The following NTN5 variants were observed in gnomAD, a reference collection of about 807,000 sequenced individuals.
The protein encoded by NTN5 is netrin 5.
A neutral mutation model predicts 38.7 loss-of-function variants in NTN5; 42 were observed. The observed-to-expected ratio is 1.08, with a 90% CI of 0.85 to 1.40. NTN5 has a LOEUF of 1.40. NTN5 is among the 40% of genes most tolerant of loss of function. The pLI, the probability that NTN5 is intolerant of heterozygous loss-of-function variation, is 0.00. For synonymous variants in NTN5, 329 were observed against 303.9 expected (o/e 1.08, Z -0.86); for missense variants, 658 against 716.5 (o/e 0.92, Z 0.93).
rs755853506 is a variant in NTN5, at chr19:48,661,982, C to T, written c.1165G>A (p.Val389Met). 3.4e-6 allele frequency: 5 copies of T among 1,482,404 alleles called. No homozygotes were observed. In the South Asian group the frequency reaches 3.7e-5, roughly 11 times the overall value. The allele number at this position is 1,482,404 out of a possible 1,614,324, so 91.8% of individuals were successfully genotyped here. A position where few individuals can be genotyped will look rare whatever the true frequency, so the allele number is the denominator to read the frequency against. The change falls in exon 7 of 7, where the codon GTG (valine) becomes ATG (methionine). Residue 389 changes from valine to methionine, a missense_variant. Transcript: ENST00000270235. Reference protein sequence around the residue: ...AAGPAWQRLAVRVLAVYKQRA... With the variant: ...AAGPAWQRLAMRVLAVYKQRA... Reference sequence around the variant, plus strand: ...TGCTTGTAAACGGCCAGCACGCGCACGGCCAGCCGCTGCCATGCCGGGCCC... The same window carrying T: ...TGCTTGTAAACGGCCAGCACGCGCATGGCCAGCCGCTGCCATGCCGGGCCC...
At chr19:48,663,300 A>G (rs775170786) in intron 6 of NTN5, 163 bp downstream of exon 6, 1 of 694,430 alleles carries the variant, frequency 1.4e-6, no homozygotes, top group African/African-American at 1.8e-5. Context: ...TCCCCTCCCC[A>G]TTTGTCTTCT....
rs371830700 is a variant in NTN5 at position 48,666,455 on chromosome 19, G to T, written c.632-1688C>A. ...AGAGGCTGAGGTGGGAGGATCACTTGAGCCTGGGAGTTGGAGGCTGCAGTG... is the reference window on the plus strand; with the variant it reads ...AGAGGCTGAGGTGGGAGGATCACTTTAGCCTGGGAGTTGGAGGCTGCAGTG... On this transcript the variant is annotated intron_variant, in intron 2 of 6. Coordinates refer to ENST00000270235, the MANE Select transcript of NTN5 (RefSeq NM_145807.4). 2.6e-5 allele frequency among the ~76,000 whole-genome samples: 4 copies of T among 152,074 alleles called. No individual in the cohort carries two copies. The East Asian group carries it at 7.9e-4, about 30-fold the overall frequency.
At chr19:48,664,314 G>A (rs1290694558) in intron 3 of NTN5, 22 bp from the exon 4 acceptor site, 2 of 1,607,530 alleles carry the variant, frequency 1.2e-6, no homozygotes, top group Non-Finnish European at 8.5e-7. Context: ...GAGGAGCTGG[G>A]GGCATGGGGT....
In NTN5 at chr19:48,668,515, A is replaced by G. The variant is rs752547352; in HGVS notation, c.631+1841T>C. Among the ~76,000 whole-genome samples, 20 of 152,150 alleles carry G rather than the reference A, an allele frequency of 1.3e-4. 1 individual carries two copies. The highest frequency in any genetic ancestry group is 2.6e-4 in the Non-Finnish European group (18 of 68,020). On this transcript the variant is annotated intron_variant, in intron 2 of 6. Coordinates refer to ENST00000270235, the MANE Select transcript of NTN5 (RefSeq NM_145807.4). ...GAGGAGCTGGGATTCAAGCCCAAAT[A>G]GTCTGGCTGCCAGGCCACCAAGGCC...
At chr19:48,672,026 C>T (rs533814707) in intron 1 of NTN5, among the ~76,000 whole-genome samples, 1 of 152,142 alleles carries the variant, frequency 6.6e-6, no homozygotes, top group Non-Finnish European at 1.5e-5. Context: ...AGTTAGCGTT[C>T]TGGGACTTTC....
chr19:48,667,716 C>T (rs985945442), intron 2 of NTN5, among the ~76,000 whole-genome samples: 6 of 152,090 alleles, frequency 3.9e-5, no homozygotes, highest in Admixed American at 6.6e-5. Flanking sequence ...ATTAGCCGGG[C>T]GTGGTGGCAC....
At chr19:48,663,271 G>A (rs773623843) in intron 6 of NTN5, 192 bp downstream of exon 6, 37 of 692,684 alleles carry the variant, frequency 5.3e-5, no homozygotes, top group Non-Finnish European at 6.4e-5. Flanking sequence ...CAGGAAGGTA[G>A]TGAATGCCCC....
In NTN5 at chr19:48,670,816, G is replaced by T; in HGVS notation, c.171C>A (p.Ala57=). The change falls in exon 2 of 7, where the codon GCC becomes GCA. Residue 57 remains alanine, a synonymous_variant. Coordinates refer to ENST00000270235, the MANE Select transcript of NTN5 (RefSeq NM_145807.4). Reference sequence around the variant, plus strand: ...TCAGGCTGCCATTGCAGGTTTCCCTGGCGCCAAGGTGGTTTCCTGGGGACA... The same window carrying T: ...TCAGGCTGCCATTGCAGGTTTCCCTTGCGCCAAGGTGGTTTCCTGGGGACA... ...CALSPGNHLG[A]RETCNGSLTL... The T allele has an allele frequency of 6.2e-7, 1 of 1,613,118 alleles. No homozygotes were observed. Among genetic ancestry groups the T allele is most frequent in the South Asian group, 1.1e-5 (1 of 91,090 alleles).
chr19:48,664,395 G>A (rs1015383573), intron 3 of NTN5, 103 bp from the exon 4 acceptor site: 1 of 1,448,948 alleles, frequency 6.9e-7, no homozygotes, highest in East Asian at 2.4e-5. Flanking sequence ...CAGGCCCCCA[G>A]CCCCTCTTCC....
rs770975532 is a variant in NTN5, at chr19:48,664,634, T to G, written c.765A>C (p.Gln255His). The G allele has an allele frequency of 3.1e-6, 5 of 1,613,544 alleles. No homozygotes were observed. Among genetic ancestry groups the G allele is most frequent in the African/African-American group, 1.3e-5 (1 of 74,940 alleles). ...GGCTAGGGTCCCTCCAGAACCCAGGTTGGCAGTAGTGGCAGTGCCGCCCAG... is the reference window on the plus strand; with the variant it reads ...GGCTAGGGTCCCTCCAGAACCCAGGGTGGCAGTAGTGGCAGTGCCGCCCAG... ...HTAGRHCHYCQPGFWRDPSQP... is the reference protein window; with the variant it reads ...HTAGRHCHYCHPGFWRDPSQP... Residue 255 changes from glutamine (Q) to histidine (H), a missense_variant, in exon 3 of 7, where the codon CAA becomes CAC. By Grantham distance (24) the Gln-to-His change is conservative. Coordinates refer to ENST00000270235, the MANE Select transcript of NTN5 (RefSeq NM_145807.4).
chr19:48,662,239 T>G (rs2031570223), intron 6 of NTN5, among the ~76,000 whole-genome samples, 198 bp from the exon 7 acceptor site: 1 of 151,824 alleles, frequency 6.6e-6, no homozygotes, highest in Admixed American at 6.6e-5. Context: ...GAAACATCTT[T>G]GAGATAAGGA....
At chr19:48,667,604 C>A (rs914680688) in intron 2 of NTN5, 1 of 164,978 alleles carries the variant, frequency 6.1e-6, no homozygotes, top group Non-Finnish European at 1.4e-5. Context: ...CGCCTGTAAT[C>A]CCAACATTTT....
chr19:48,671,878 A>T (rs2031972490), intron 1 of NTN5, among the ~76,000 whole-genome samples: 1 of 142,644 alleles, frequency 7.0e-6, no homozygotes, highest in Non-Finnish European at 1.5e-5. Flanking sequence ...AAGCCCAGAG[A>T]GCTGAGCTGA....
intron 3 of NTN5, 57 bp from the exon 4 acceptor site, chr19:48,664,349 A>C (rs2031634616): frequency 6.4e-7 from 1 of 1,573,400 alleles, no homozygotes; most frequent in Admixed American, 1.8e-5. Flanking sequence ...TGCCCCTCCC[A>C]ATTCCACAGT....
intron 4 of NTN5, 56 bp downstream of exon 4, chr19:48,664,087 T>G: frequency 1.9e-6 from 3 of 1,539,308 alleles, no homozygotes; most frequent in Non-Finnish European, 2.6e-6. Context: ...ACTGGAGACC[T>G]GGGATGTCTC....
Position 48,673,004 on chromosome 19 carries a change from T to C in NTN5, c.-93A>G. 1 of 327,388 alleles carries C rather than the reference T, an allele frequency of 3.1e-6. No individual in the cohort carries two copies. The highest frequency in any genetic ancestry group is 2.2e-5 in the South Asian group (1 of 44,910). The allele number at this position is 327,388 out of a possible 1,614,324, so 20.3% of individuals were successfully genotyped here. On this transcript the variant is annotated 5_prime_UTR_variant, in exon 1 of 7. Coordinates refer to ENST00000270235, the MANE Select transcript of NTN5 (RefSeq NM_145807.4). Reference sequence around the variant, plus strand: ...TCCTCCAAGCTGTGGCGCGGTGGGCTCTCAGGAGGGAGTGGCGTGGCTGTT... The same window carrying C: ...TCCTCCAAGCTGTGGCGCGGTGGGCCCTCAGGAGGGAGTGGCGTGGCTGTT...
chr19:48,662,067 A>G (rs765873521), intron 6 of NTN5, 26 bp from the exon 7 acceptor site: 1 of 1,430,540 alleles, frequency 7.0e-7, no homozygotes, highest in South Asian at 1.4e-5. Context: ...ATGTCAGCCC[A>G]GGTCGTGGGG....
intron 2 of NTN5, among the ~76,000 whole-genome samples, chr19:48,669,429 T>C (rs200450319): frequency 0.14 from 195 of 1,352 alleles, no homozygotes; most frequent in Middle Eastern, 0.5. Flanking sequence ...ATCACCACCA[T>C]CACCACCACC....
chr19:48,661,435 G>T lies in NTN5; in HGVS notation c.*242C>A. ...CCAAAGATTTGAGACTTTATTGGGG[G>T]AAACAGATCACTGGCGGGGAATAAG... On this transcript the variant is annotated 3_prime_UTR_variant, in exon 7 of 7. Transcript: ENST00000270235. 2.5e-6 allele frequency: 1 copy of T among 399,866 alleles called. No individual in the cohort carries two copies. Among genetic ancestry groups the T allele is most frequent in the Non-Finnish European group, 4.4e-6 (1 of 228,576 alleles). 24.8% of individuals were successfully genotyped at this position (399,866 alleles called of 1,614,324 possible).
Sources: allele counts gnomAD v4.1 joint callset (sites outside exome capture counted in the v4.1 genomes callset), GRCh38; gene constraint gnomAD v4.1.1; transcripts MANE v1.5; gene names NCBI Gene and HGNC (gene_info 2026-07-23, HGNC 2026-07-21).